The following MAF variants were observed in gnomAD, a reference collection of about 807,000 sequenced individuals.
MAF encodes MAF bZIP transcription factor.
In MAF, 10 loss-of-function variants were observed where a neutral mutation model predicts 22.0. That is an observed-to-expected ratio of 0.45 (90% CI 0.28 to 0.77). MAF has a LOEUF of 0.77. MAF is among the 30% of genes least tolerant of loss of function. MAF has a pLI of 0.12. For missense variants in MAF, 544 were observed against 548.4 expected (o/e 0.99, Z 0.08); for synonymous variants, 337 against 255.8 (o/e 1.32, Z -3.03).
the MAF span, among the ~76,000 whole-genome samples, chr16:79,375,728 A>G: frequency 1.6e-3 from 241 of 152,314 alleles, 4 homozygotes; most frequent in African/African-American, 5.5e-3. Flanking sequence ...ATGGGGTCAC[A>G]GACTTAAAAA....
the MAF span, among the ~76,000 whole-genome samples, chr16:79,455,124 T>A: frequency 6.8e-6 from 1 of 146,832 alleles, no homozygotes; most frequent in Admixed American, 6.9e-5. Flanking sequence ...AAGAATTCCC[T>A]CCACCCTTTG....
the MAF span, among the ~76,000 whole-genome samples, chr16:79,482,823 T>C: frequency 2.8e-5 from 4 of 143,216 alleles, 1 homozygote; most frequent in Admixed American, 1.4e-4. Flanking sequence ...CAGTAGGGCA[T>C]ACATCATACC....
downstream of MAF, among the ~76,000 whole-genome samples, chr16:79,590,592 C>CAG (rs1913137065): frequency 6.6e-6 from 1 of 152,048 alleles, no homozygotes; most frequent in Admixed American, 6.6e-5. Flanking sequence ...GGGAAGGGTG[C>CAG]AGACCCTGGT....
chr16:79,432,229 C>T, the MAF span, among the ~76,000 whole-genome samples: 4 of 152,272 alleles, frequency 2.6e-5, no homozygotes, highest in African/African-American at 4.8e-5. Context: ...TCTCTCCTGC[C>T]GCCCTGTGAA....
the MAF span, among the ~76,000 whole-genome samples, chr16:79,479,504 C>T: frequency 2.0e-5 from 3 of 152,150 alleles, no homozygotes; most frequent in Admixed American, 6.5e-5. Flanking sequence ...TTTGTCAGGG[C>T]GGGGCCATCA....
the MAF span, among the ~76,000 whole-genome samples, chr16:79,216,196 A>T: frequency 6.6e-6 from 1 of 151,944 alleles, no homozygotes; most frequent in African/African-American, 2.4e-5. Flanking sequence ...TATGTCGTGC[A>T]CATCTGTATA....
the MAF span, among the ~76,000 whole-genome samples, chr16:79,314,571 T>A: frequency 6.6e-6 from 1 of 152,056 alleles, no homozygotes; most frequent in South Asian, 2.1e-4. Flanking sequence ...GGATGGCAGG[T>A]CCCTACATTT....
chr16:79,536,749 C>T, the MAF span, among the ~76,000 whole-genome samples: 3 of 152,264 alleles, frequency 2.0e-5, no homozygotes, highest in East Asian at 1.9e-4. Flanking sequence ...CTAAATAGTA[C>T]AGAGTAACAC....
chr16:79,363,922 G>A, the MAF span, among the ~76,000 whole-genome samples: 1 of 152,190 alleles, frequency 6.6e-6, no homozygotes, highest in South Asian at 2.1e-4. Context: ...TTGAGTTGGA[G>A]GGACGGTGGA....
At chr16:79,408,782 TACTAA>T in the MAF span, among the ~76,000 whole-genome samples, 2 of 151,934 alleles carry the variant, frequency 1.3e-5, no homozygotes, top group African/African-American at 4.8e-5. Flanking sequence ...CTAAACTAGA[TACTAA>T]GGATACAGAA....
chr16:79,400,048 G>A, the MAF span, among the ~76,000 whole-genome samples: 1 of 152,198 alleles, frequency 6.6e-6, no homozygotes, highest in African/African-American at 2.4e-5. Context: ...GTCTAGAGCA[G>A]TCTATTTTGC....
At chr16:79,225,575 C>T in the MAF span, among the ~76,000 whole-genome samples, 1 of 152,100 alleles carries the variant, frequency 6.6e-6, no homozygotes, top group Non-Finnish European at 1.5e-5. Context: ...AAACTATCAT[C>T]AGAGTGAACA....
the MAF span, among the ~76,000 whole-genome samples, chr16:79,569,007 A>G: frequency 6.6e-6 from 1 of 152,216 alleles, no homozygotes; most frequent in Non-Finnish European, 1.5e-5. Flanking sequence ...GTCAGCTAGA[A>G]GGTTAAGCAT....
the MAF span, among the ~76,000 whole-genome samples, chr16:79,246,371 T>G: frequency 2.0e-5 from 3 of 152,138 alleles, no homozygotes; most frequent in African/African-American, 4.8e-5. Flanking sequence ...TGAACATATC[T>G]CAACCCACAA....
chr16:79,356,344 T>A, the MAF span, among the ~76,000 whole-genome samples: 1 of 152,158 alleles, frequency 6.6e-6, no homozygotes, highest in African/African-American at 2.4e-5. Flanking sequence ...GGCCACATCA[T>A]CATCTCGGGT....
chr16:79,341,348 G>A, the MAF span, among the ~76,000 whole-genome samples: 1 of 152,178 alleles, frequency 6.6e-6, no homozygotes, highest in African/African-American at 2.4e-5. Context: ...CTCATGCTGT[G>A]AAGTGGAACC....
the MAF span, among the ~76,000 whole-genome samples, chr16:79,557,048 G>A: frequency 1.3e-5 from 2 of 150,268 alleles, no homozygotes; most frequent in African/African-American, 2.5e-5. Flanking sequence ...AAACTCCCAG[G>A]CTCAAGTGAT....
chr16:79,553,914 C>T, the MAF span, among the ~76,000 whole-genome samples: 1 of 152,060 alleles, frequency 6.6e-6, no homozygotes, highest in Non-Finnish European at 1.5e-5. Flanking sequence ...TATGGTGAAA[C>T]TCCATCTCTA....
At chr16:79,333,020 G>T in the MAF span, among the ~76,000 whole-genome samples, 1 of 152,338 alleles carries the variant, frequency 6.6e-6, no homozygotes, top group East Asian at 1.9e-4. Context: ...CGCACAGCAG[G>T]TGCTCCCCCA....
Sources: gnomAD v4.1 joint callset for allele counts (sites outside exome capture counted in the v4.1 genomes callset) on GRCh38, gnomAD v4.1.1 for gene constraint, MANE v1.5 for transcripts, NCBI Gene and HGNC (gene_info 2026-07-23, HGNC 2026-07-21) for gene names.